TIPARP: variants seen among roughly 807,000 people sequenced by gnomAD.
The protein encoded by TIPARP is protein mono-ADP-ribosyltransferase TIPARP.
TIPARP carries 12 observed loss-of-function variants against 56.5 expected under a neutral mutation model. The observed-to-expected ratio is 0.21, with a 90% CI of 0.14 to 0.34. TIPARP has a LOEUF of 0.34. TIPARP is among the 10% of genes least tolerant of loss of function. TIPARP has a pLI of 1.00. For synonymous variants in TIPARP, 296 were observed against 265.7 expected, an observed-to-expected ratio of 1.11 and a Z score of -1.11; for missense variants, 604 against 781.6, an observed-to-expected ratio of 0.77 and a Z score of 2.71.
chr3:156,684,032 A>G (rs937897127), intron 2 of TIPARP, among the ~76,000 whole-genome samples: 5 of 152,210 alleles, frequency 3.3e-5, no homozygotes, highest in South Asian at 2.1e-4. Context: ...GTGAGTTGCA[A>G]TTGTCTTTTT....
At chr3:156,695,076 C>T (rs766397549) in intron 3 of TIPARP, among the ~76,000 whole-genome samples, 18 of 152,240 alleles carry the variant, frequency 1.2e-4, no homozygotes, top group East Asian at 3.9e-4. Flanking sequence ...TAGTTATCTA[C>T]CTTCCAAATA....
chr3:156,678,126 A>C lies in TIPARP; in HGVS notation c.429A>C (p.Pro143=), dbSNP rs1274304604. 1 of 1,614,122 alleles carries C rather than the reference A, an allele frequency of 6.2e-7. No homozygotes were observed. The highest frequency in any genetic ancestry group is 1.6e-4 in the Middle Eastern group (1 of 6,062). The change falls in exon 2 of 6, where the codon CCA becomes CCC. Residue 143 remains proline (P), a synonymous_variant. Coordinates refer to ENST00000295924, the MANE Select transcript of TIPARP (RefSeq NM_015508.5). The part of the protein sequence containing the change: ...RVVPIQDHSF[P]SETLSGTVAD... ...TTCCAATCCAAGATCACAGCTTTCC[A>C]TCAGAAACCCTCAGTGGGACGGTGG...
At chr3:156,704,086 T>C (rs1373246627) in intron 5 of TIPARP, among the ~76,000 whole-genome samples, 2 of 151,598 alleles carry the variant, frequency 1.3e-5, no homozygotes, top group African/African-American at 2.4e-5. Flanking sequence ...AACATAATAG[T>C]AAACATTTGC....
intron 4 of TIPARP, among the ~76,000 whole-genome samples, chr3:156,702,046 TGGTGG>T (rs1722857590): frequency 1.1e-5 from 1 of 93,422 alleles, no homozygotes; most frequent in South Asian, 3.5e-4. Flanking sequence ...GTGGTGGTGG[TGGTGG>T]TGGTGGTGGT....
chr3:156,693,985 G>A, intron 2 of TIPARP, 35 bp from the exon 3 acceptor site: 1 of 1,558,880 alleles, frequency 6.4e-7, no homozygotes, highest in Non-Finnish European at 8.6e-7. Flanking sequence ...TTATTAACAG[G>A]TTTTTGGGTT....
At chr3:156,699,682 C>T (rs987123485) in intron 4 of TIPARP, among the ~76,000 whole-genome samples, 8 of 152,132 alleles carry the variant, frequency 5.3e-5, no homozygotes, top group Non-Finnish European at 7.4e-5. Context: ...ATAGAATGCT[C>T]AATATCTACT....
rs139062519 is a variant in TIPARP at position 156,699,958 on chromosome 3, A to G, written c.1248-3466A>G. On this transcript the variant is annotated intron_variant, in intron 4 of 5. Transcript: ENST00000295924. ...GGGCTGAAGGACCTAGTAGGGAGAA[A>G]GATGAGGGGAATTGGTTCCAAAAAG... Among the ~76,000 whole-genome samples the G allele has an allele frequency of 1.8e-3, 267 of 152,258 alleles. 2 individuals carry two copies. Among genetic ancestry groups the G allele is most frequent in the South Asian group, 5.6e-3 (27 of 4,816 alleles).
chr3:156,687,529 T>TG (rs1321717151), intron 2 of TIPARP, among the ~76,000 whole-genome samples: 3 of 152,208 alleles, frequency 2.0e-5, no homozygotes, highest in Non-Finnish European at 4.4e-5. Context: ...GTGGTTGCAT[T>TG]GGGGCCGGTG....
chr3:156,683,259 A>G (rs994147165), intron 2 of TIPARP, among the ~76,000 whole-genome samples: 2 of 152,218 alleles, frequency 1.3e-5, no homozygotes, highest in African/African-American at 4.8e-5. Context: ...TATATATTTT[A>G]TCATTGAGTT....
rs150223955 is a variant in TIPARP at position 156,678,283 on chromosome 3, A to G, written c.586A>G (p.Ile196Val). The change falls in exon 2 of 6, where the codon ATC (isoleucine) becomes GTC (valine). Residue 196 changes from isoleucine to valine, a missense_variant. Around this residue, in one of 4 missense-constraint regions of TIPARP, gnomAD observed 261 missense variants for 279.2 expected, o/e 0.93. Transcript: ENST00000295924. ...PGIFQENSFT[I>V]QYILDTSDKL... The stretch of plus-strand genomic sequence containing the variant: ...CATTTTCCAAGAAAACAGTTTTACA[A>G]TCCAATACATTCTGGACACCAGTGA... 4.3e-6 allele frequency: 7 copies of G among 1,614,190 alleles called. No homozygotes were observed. The highest frequency in any genetic ancestry group is 4.0e-5 in the African/African-American group (3 of 75,070).
intron 2 of TIPARP, among the ~76,000 whole-genome samples, chr3:156,693,156 TACAC>T (rs553452374): frequency 6.6e-6 from 1 of 152,002 alleles, no homozygotes; most frequent in Non-Finnish European, 1.5e-5. Context: ...CTTTCAAACA[TACAC>T]AAAAAAGAAA....
chr3:156,683,745 A>G (rs189929930), intron 2 of TIPARP, among the ~76,000 whole-genome samples: 1 of 152,306 alleles, frequency 6.6e-6, no homozygotes, highest in East Asian at 1.9e-4. Context: ...ATGGTCAGTG[A>G]TCCTTAGTTT....
chr3:156,684,112 A>G (rs1462909646), intron 2 of TIPARP, among the ~76,000 whole-genome samples: 5 of 152,246 alleles, frequency 3.3e-5, no homozygotes, highest in Non-Finnish European at 5.9e-5. Flanking sequence ...AAATTGCAAG[A>G]TAATTATTTT....
rs904230283 is a variant in TIPARP, at chr3:156,706,345, A to G, written c.*1214A>G. ...GTAGTTGTTCACAAAAGAATTCGCC[A>G]TGGAATTCTTTCAGTTACCAAGCTC... On this transcript the variant is annotated 3_prime_UTR_variant, in exon 6 of 6. Coordinates refer to ENST00000295924, the MANE Select transcript of TIPARP (RefSeq NM_015508.5). 2.0e-4 allele frequency: 30 copies of G among 152,676 alleles called. No individual in the cohort carries two copies. Among genetic ancestry groups the G allele is most frequent in the African/African-American group, 7.0e-4 (29 of 41,460 alleles). The allele number at this position is 152,676 out of a possible 1,614,324, so 9.5% of individuals were successfully genotyped here. A position where few individuals can be genotyped will look rare whatever the true frequency, so the allele number is the denominator to read the frequency against.
rs1033950073 is a variant in TIPARP at position 156,705,209 on chromosome 3, G to T, written c.*78G>T. On this transcript the variant is annotated 3_prime_UTR_variant, in exon 6 of 6. Coordinates refer to ENST00000295924, the MANE Select transcript of TIPARP (RefSeq NM_015508.5). ...GCAGGTTTTGAATGGGTGGGACTGG[G>T]TGGGGAACAGCATTGGACATTAATA... 1.4e-4 allele frequency: 104 copies of T among 730,604 alleles called. No individual in the cohort carries two copies. Among genetic ancestry groups the T allele is most frequent in the Middle Eastern group, 1.1e-3 (2 of 1,882 alleles). The allele number at this position is 730,604 out of a possible 1,614,324, so 45.3% of individuals were successfully genotyped here. A position where few individuals can be genotyped will look rare whatever the true frequency, so the allele number is the denominator to read the frequency against.
chr3:156,678,735 T>C, intron 2 of TIPARP, 121 bp downstream of exon 2: 1 of 812,292 alleles, frequency 1.2e-6, no homozygotes, highest in Non-Finnish European at 1.9e-6. Context: ...TCCACTATTA[T>C]TCTTTTGACT....
At chr3:156,675,714 T>A (rs1244031593) in intron 1 of TIPARP, 1 of 152,114 alleles carries the variant, frequency 6.6e-6, no homozygotes. Context: ...GGGCAGGCTT[T>A]GGAGCGGCAG....
At chr3:156,701,132 G>A (rs1243930319) in intron 4 of TIPARP, among the ~76,000 whole-genome samples, 1 of 152,222 alleles carries the variant, frequency 6.6e-6, no homozygotes, top group East Asian at 1.9e-4. Context: ...GCATCTATGG[G>A]TTGGAATGGA....
intron 2 of TIPARP, among the ~76,000 whole-genome samples, chr3:156,693,598 A>G (rs558387393): frequency 2.0e-5 from 3 of 152,318 alleles, no homozygotes; most frequent in Non-Finnish European, 4.4e-5. Context: ...TATTGGCTCA[A>G]GTAAACTGAT....
Sources: allele counts gnomAD v4.1 joint callset (sites outside exome capture counted in the v4.1 genomes callset), GRCh38; gene constraint gnomAD v4.1.1; regional missense constraint gnomAD v4.1.1; transcripts MANE v1.5; gene names NCBI Gene and HGNC (gene_info 2026-07-23, HGNC 2026-07-21).